GUCY1A2: variants seen among roughly 807,000 people sequenced by gnomAD.
GUCY1A2 encodes guanylate cyclase soluble subunit alpha-2.
In GUCY1A2, 27 loss-of-function variants were observed where a neutral mutation model predicts 63.5. The ratio of observed to expected loss-of-function variants is 0.43; its 90% CI spans 0.31 to 0.59. The LOEUF (loss-of-function observed/expected upper bound fraction) is 0.59, where lower values mean the gene tolerates loss of function less well. Ranked by LOEUF, GUCY1A2 falls within the 20% of genes least tolerant of loss-of-function variation. The pLI is 0.11. For synonymous variants in GUCY1A2, 364 were observed against 343.5 expected, an observed-to-expected ratio of 1.06 and a Z score of -0.66; for missense variants, 768 against 913.3, an observed-to-expected ratio of 0.84 and a Z score of 2.05.
chr11:106,864,548 G>A (rs561104659), intron 4 of GUCY1A2, among the ~76,000 whole-genome samples: 41 of 152,158 alleles, frequency 2.7e-4, no homozygotes, highest in Admixed American at 3.9e-4. Flanking sequence ...TGATATGGGC[G>A]ATGGGTTTGT....
chr11:106,993,605 GCTA>G (rs1201665917), intron 1 of GUCY1A2, among the ~76,000 whole-genome samples: 5 of 152,000 alleles, frequency 3.3e-5, no homozygotes, highest in Admixed American at 3.3e-4. Context: ...ATCCAGCTGT[GCTA>G]CTGACCTTTT....
chr11:106,968,152 G>C (rs1056374628), intron 3 of GUCY1A2, among the ~76,000 whole-genome samples: 1 of 152,202 alleles, frequency 6.6e-6, no homozygotes, highest in Non-Finnish European at 1.5e-5. Flanking sequence ...AGTCATGGGT[G>C]CATACTAAAA....
rs1015612129 is a variant in GUCY1A2 at position 106,682,917 on chromosome 11, A to G, written c.*4632T>C. 9.3e-6 allele frequency: 2 copies of G among 216,144 alleles called. No homozygotes were observed. The highest frequency in any genetic ancestry group is 1.9e-5 in the Non-Finnish European group (2 of 107,128). The allele number at this position is 216,144 out of a possible 1,614,324, so 13.4% of individuals were successfully genotyped here. On this transcript the variant is annotated 3_prime_UTR_variant, in exon 8 of 8. Coordinates refer to ENST00000526355, the MANE Select transcript of GUCY1A2 (RefSeq NM_000855.3). ...AGGAAGGAATTTTGCACACTATCTCAGTATAGCCTGACAAGATTGTTAATC... is the reference window on the plus strand; with the variant it reads ...AGGAAGGAATTTTGCACACTATCTCGGTATAGCCTGACAAGATTGTTAATC...
chr11:106,846,257 G>C (rs1487578274), intron 4 of GUCY1A2, among the ~76,000 whole-genome samples: 1 of 151,596 alleles, frequency 6.6e-6, no homozygotes, highest in East Asian at 1.9e-4. Context: ...GGGGGGTACT[G>C]TGACTATGTA....
chr11:106,690,497 A>G (rs960568836), intron 7 of GUCY1A2, among the ~76,000 whole-genome samples: 2 of 152,176 alleles, frequency 1.3e-5, no homozygotes, highest in African/African-American at 4.8e-5. Context: ...CATAGAGGAG[A>G]ACAACACACA....
chr11:106,738,509 GT>G (rs1237389970), intron 6 of GUCY1A2, among the ~76,000 whole-genome samples: 2 of 152,042 alleles, frequency 1.3e-5, no homozygotes, highest in Admixed American at 1.3e-4. Context: ...TTCTTCTAGG[GT>G]TTTTATGGTT....
chr11:106,709,545 A>G (rs1421993573), intron 6 of GUCY1A2, among the ~76,000 whole-genome samples: 10 of 58,914 alleles, frequency 1.7e-4, no homozygotes, highest in African/African-American at 9.4e-4. Flanking sequence ...AATATATTAT[A>G]TTATTATATA....
chr11:107,010,032 C>G (rs547085456), intron 1 of GUCY1A2, among the ~76,000 whole-genome samples: 26 of 152,296 alleles, frequency 1.7e-4, no homozygotes, highest in African/African-American at 6.3e-4. Flanking sequence ...TTCAATGAAG[C>G]TTGAGAGCTA....
chr11:106,892,091 G>C (rs1267540144), intron 4 of GUCY1A2, among the ~76,000 whole-genome samples: 2 of 151,936 alleles, frequency 1.3e-5, no homozygotes, highest in Non-Finnish European at 2.9e-5. Flanking sequence ...GGGGTATAGA[G>C]GACTTGAACA....
intron 4 of GUCY1A2, chr11:106,827,147 C>T (rs1858981902): frequency 1.3e-6 from 2 of 1,486,870 alleles, no homozygotes; most frequent in Non-Finnish European, 1.9e-6. Context: ...TGAGAAAACT[C>T]TTTTGTTCCT....
chr11:106,705,843 GAGT>G (rs1262970905), intron 7 of GUCY1A2, among the ~76,000 whole-genome samples: 1 of 152,126 alleles, frequency 6.6e-6, no homozygotes, highest in Non-Finnish European at 1.5e-5. Flanking sequence ...CTGGGCGACA[GAGT>G]AAGACTCGTC....
chr11:106,702,296 C>T (rs747757186), intron 7 of GUCY1A2, among the ~76,000 whole-genome samples: 2 of 152,192 alleles, frequency 1.3e-5, no homozygotes, highest in Non-Finnish European at 2.9e-5. Flanking sequence ...ATGCAGTTCT[C>T]TTAATTCCTA....
At chr11:106,766,547 C>CT (rs5794494) in intron 6 of GUCY1A2, among the ~76,000 whole-genome samples, 83,924 of 151,308 alleles carry the variant, frequency 0.55, 23,400 homozygotes, top group Admixed American at 0.6. Flanking sequence ...TTTCAGAGAT[C>CT]TTTTTTTTGT....
At chr11:106,762,418 T>C (rs1331441355) in intron 6 of GUCY1A2, among the ~76,000 whole-genome samples, 1 of 152,118 alleles carries the variant, frequency 6.6e-6, no homozygotes, top group African/African-American at 2.4e-5. Flanking sequence ...TTCAGTTTAT[T>C]GAGCATGAAT....
chr11:106,796,414 C>T (rs1864761796), intron 5 of GUCY1A2, among the ~76,000 whole-genome samples: 1 of 152,168 alleles, frequency 6.6e-6, no homozygotes, highest in Non-Finnish European at 1.5e-5. Context: ...ATGGTCTTTA[C>T]AATTTGGCAT....
intron 5 of GUCY1A2, among the ~76,000 whole-genome samples, chr11:106,781,112 CAAAA>C (rs565279937): frequency 0.15 from 13,211 of 88,848 alleles, 537 homozygotes; most frequent in Middle Eastern, 0.27. Context: ...AAACAGACTA[CAAAA>C]AAAAAAAAAA....
At chr11:106,819,282 T>A (rs1344061023) in intron 4 of GUCY1A2, among the ~76,000 whole-genome samples, 1 of 152,174 alleles carries the variant, frequency 6.6e-6, no homozygotes, top group Non-Finnish European at 1.5e-5. Context: ...TACCTAAAAT[T>A]AGTTGATAAA....
At chr11:106,952,346 G>A (rs1226809521) in intron 3 of GUCY1A2, among the ~76,000 whole-genome samples, 5 of 152,128 alleles carry the variant, frequency 3.3e-5, no homozygotes, top group African/African-American at 4.8e-5. Flanking sequence ...CTATTTTCAC[G>A]ATATTGATTC....
intron 7 of GUCY1A2, among the ~76,000 whole-genome samples, chr11:106,701,428 G>A (rs184617650): frequency 1.3e-5 from 2 of 152,078 alleles, no homozygotes; most frequent in African/African-American, 2.4e-5. Context: ...TCAACCTGAG[G>A]GCATTATATC....
Sources: allele counts gnomAD v4.1 joint callset (sites outside exome capture counted in the v4.1 genomes callset), GRCh38; gene constraint gnomAD v4.1.1; transcripts MANE v1.5; gene names NCBI Gene and HGNC (gene_info 2026-07-23, HGNC 2026-07-21).